Variants in LRP1 observed in about 807,000 individuals in gnomAD.
The protein encoded by LRP1 is LDL receptor related protein 1.
In LRP1, 51 loss-of-function variants were observed where a neutral mutation model predicts 541.5. That is an observed-to-expected ratio of 0.09 (90% confidence interval 0.08 to 0.12). LRP1 has a LOEUF of 0.12. Among genes scored for constraint, LRP1 ranks in the 10% least tolerant of loss-of-function variants. LRP1 has a pLI of 1.00. For missense variants in LRP1, 3,878 were observed against 6,376.2 expected, an observed-to-expected ratio of 0.61 and a Z score of 13.34; for synonymous variants, 2,219 against 2,470.8, an observed-to-expected ratio of 0.90 and a Z score of 3.02.
At chr12:57,192,711 G>A (rs2036440116) in intron 44 of LRP1, 134 bp from the exon 45 acceptor site, 2 of 1,270,908 alleles carry the variant, frequency 1.6e-6, no homozygotes, top group Non-Finnish European at 2.2e-6. Flanking sequence ...CCCACTGGCT[G>A]CAAGCCGCTG....
chr12:57,200,144 AC>A, intron 62 of LRP1, 119 bp downstream of exon 62: 5 of 843,746 alleles, frequency 5.9e-6, no homozygotes, highest in Non-Finnish European at 9.1e-6. Flanking sequence ...CCACACTAAC[AC>A]CCCCACATTT....
At position 57,205,890 on chromosome 12, in the gene LRP1, T is replaced by C; in HGVS notation, c.11590+213T>C. The C allele has an allele frequency of 1.5e-6, 1 of 649,514 alleles. No individual in the cohort carries two copies. The highest frequency in any genetic ancestry group is 2.6e-6 in the Non-Finnish European group (1 of 384,838). The allele number at this position is 649,514 out of a possible 1,614,324, so 40.2% of individuals were successfully genotyped here. ...ACTGAAGGAGTCTGGGGTGTGGCAG[T>C]GCTCTGAATTGCACACACACCTCCT... On this transcript the variant is annotated intron_variant, in intron 75 of 88. Transcript: ENST00000243077. This position sits in a 1 kb window ranked among gnomAD's most constrained non-coding sequence, Gnocchi z 4.6.
chr12:57,165,930 G>A lies in LRP1; in HGVS notation c.2656G>A (p.Ala886Thr). The change falls in exon 16 of 89, where the codon GCC becomes ACC. Residue 886 changes from alanine (A) to threonine (T), a missense_variant. Ala to Thr is a moderately conservative substitution (Grantham distance 58). Transcript: ENST00000243077. The surrounding 1 kb of genome is among the most constrained non-coding windows in gnomAD (Gnocchi z 4.5). ...DNDCLDNSDE[A>T]PALCHQHTCP... ...CGATTGCCTGGACAACAGTGATGAG[G>A]CCCCAGCCCTCTGCCGTGAGTCACA... is the stretch of plus-strand genomic sequence containing the variant. 6.2e-7 allele frequency: 1 copy of A among 1,614,110 alleles called. No individual in the cohort carries two copies. Among genetic ancestry groups the A allele is most frequent in the Non-Finnish European group, 8.5e-7 (1 of 1,180,022 alleles).
At position 57,189,344 on chromosome 12, in the gene LRP1, A is replaced by C. The variant is rs1242695491; in HGVS notation, c.7032-1461A>C. ...CCAATCCTGACAAGCCAGGAAGATG[A>C]CTGGCCACTGCCCCAGGATACCCAT... On this transcript the variant is annotated intron_variant, in intron 42 of 88. Transcript: ENST00000243077. The surrounding 1 kb of genome is among the most constrained non-coding windows in gnomAD (Gnocchi z 4.4). Among the ~76,000 whole-genome samples the C allele has an allele frequency of 2.0e-5, 3 of 152,100 alleles. No individual in the cohort carries two copies. The highest frequency in any genetic ancestry group is 4.8e-5 in the African/African-American group (2 of 41,400).
chr12:57,135,062 G>A (rs1479006443), intron 1 of LRP1, among the ~76,000 whole-genome samples: 1 of 152,188 alleles, frequency 6.6e-6, no homozygotes, highest in African/African-American at 2.4e-5. Context: ...CACCTGCTCA[G>A]TTACCAGTCA....
At chr12:57,194,319 G>A in intron 48 of LRP1, 35 bp from the exon 49 acceptor site, 1 of 1,505,502 alleles carries the variant, frequency 6.6e-7, no homozygotes, top group Middle Eastern at 1.8e-4. Context: ...GATCCAGGGG[G>A]AACCAGGTAT....
Position 57,199,390 on chromosome 12 carries a change from C to T in LRP1, c.9855C>T (p.Arg3285=). Residue 3285 remains arginine (R), a synonymous_variant, in exon 61 of 89, where the codon CGC becomes CGT. Transcript: ENST00000243077. ...ACCTGCATGTCTTCCATGCCCTGCG[C>T]CAGCCAGACGGTGAGCAGGCAAGGG... ...PMDLHVFHAL[R]QPDVPNHPCK... is the part of the protein sequence containing the mutation. 2 of 1,609,240 alleles carry T rather than the reference C, an allele frequency of 1.2e-6. No individual in the cohort carries two copies. Among genetic ancestry groups the T allele is most frequent in the Non-Finnish European group, 1.7e-6 (2 of 1,178,350 alleles).
chr12:57,188,815 C>T (rs1245269534), intron 42 of LRP1, among the ~76,000 whole-genome samples: 1 of 152,180 alleles, frequency 6.6e-6, no homozygotes, highest in Non-Finnish European at 1.5e-5. Context: ...ACCTGGAAGT[C>T]AGGGAACGTG....
chr12:57,138,431 T>A, intron 1 of LRP1, 28 bp from the exon 2 acceptor site: 1 of 1,611,572 alleles, frequency 6.2e-7, no homozygotes. Context: ...ATCCTTCATT[T>A]ATATCCCCTT....
At chr12:57,143,015 G>T (rs1348288033) in intron 3 of LRP1, among the ~76,000 whole-genome samples, 1 of 152,116 alleles carries the variant, frequency 6.6e-6, no homozygotes, top group Admixed American at 6.5e-5. Flanking sequence ...CATTAACTGG[G>T]TCGCTGGTCT....
intron 5 of LRP1, 31 bp from the exon 6 acceptor site, chr12:57,145,196 C>T (rs758574006): frequency 2.2e-5 from 35 of 1,613,648 alleles, no homozygotes. Context: ...AGAGCCCTGG[C>T]TGCACGGACT....
At chr12:57,209,032 C>A (rs7956957) in intron 78 of LRP1, 51 bp from the exon 79 acceptor site, 58 of 1,472,062 alleles carry the variant, frequency 3.9e-5, no homozygotes, top group Non-Finnish European at 4.7e-5. Flanking sequence ...CTTTCCACCC[C>A]GAGCCTGGGT....
chr12:57,161,107 G>T lies in LRP1; in HGVS notation c.2194G>T (p.Asp732Tyr). The T allele has an allele frequency of 6.2e-7, 1 of 1,612,830 alleles. No individual in the cohort carries two copies. The highest frequency in any genetic ancestry group is 1.1e-5 in the South Asian group (1 of 91,052). The change falls in exon 13 of 89, where the codon GAC (aspartate) becomes TAC (tyrosine). Residue 732 changes from aspartate to tyrosine, a missense_variant. By Grantham distance (160) the Asp-to-Tyr change is radical. Coordinates refer to ENST00000243077, the MANE Select transcript of LRP1 (RefSeq NM_002332.3). The stretch of plus-strand genomic sequence containing the variant: ...CGAGACGATACTGCTCAATGGCACA[G>T]ACCGGAAGGTGGGCAGGCATGTGCC... Reference protein sequence around the residue: ...RIETILLNGTDRKIVYEGPEL... With the variant: ...RIETILLNGTYRKIVYEGPEL...
Position 57,195,411 on chromosome 12 carries a change from G to A in LRP1, c.8437+12G>A. ...CGCAGCTGGTTGCTGTGAGTGGCGG[G>A]GCCACGTGGAGCGGGTGGACAGCAA... On this transcript the variant is annotated intron_variant, in intron 52 of 88. Coordinates refer to ENST00000243077, the MANE Select transcript of LRP1 (RefSeq NM_002332.3). 6.9e-6 allele frequency: 11 copies of A among 1,602,428 alleles called. No individual in the cohort carries two copies. The highest frequency in any genetic ancestry group is 9.3e-6 in the Non-Finnish European group (11 of 1,178,616).
chr12:57,205,714 G>A lies in LRP1; in HGVS notation c.11590+37G>A, dbSNP rs1320026235. 28 of 1,601,256 alleles carry A rather than the reference G, an allele frequency of 1.7e-5. No individual in the cohort carries two copies. The highest frequency in any genetic ancestry group is 2.3e-5 in the Non-Finnish European group (27 of 1,178,164). ...ACCAGAGGGCAGAAAGGCTGGGTGG[G>A]GCAGGGCGACCAGGATATCAAACGG... On this transcript the variant is annotated intron_variant, in intron 75 of 88. Transcript: ENST00000243077. The surrounding 1 kb of genome is among the most constrained non-coding windows in gnomAD (Gnocchi z 4.6).
chr12:57,178,612 C>T lies in LRP1; in HGVS notation c.4606+9C>T. 4 of 1,613,852 alleles carry T rather than the reference C, an allele frequency of 2.5e-6. No homozygotes were observed. Among genetic ancestry groups the T allele is most frequent in the Non-Finnish European group, 3.4e-6 (4 of 1,179,832 alleles). ...CTCCCGCCAGCCCATGGGTAAGGGG[C>T]TCGGGGCCTCGAGCAGCCGGAAGGG... On this transcript the variant is annotated intron_variant, in intron 27 of 88. Transcript: ENST00000243077. This position sits in a 1 kb window ranked among gnomAD's most constrained non-coding sequence, Gnocchi z 5.8.
chr12:57,132,795 C>T (rs1013455405), intron 1 of LRP1, among the ~76,000 whole-genome samples: 5 of 152,218 alleles, frequency 3.3e-5, no homozygotes, highest in Admixed American at 3.3e-4. Context: ...TACCCCCATC[C>T]AGGCCTCTTG....
At position 57,166,160 on chromosome 12, in the gene LRP1, G is replaced by A. The variant is rs2035834741; in HGVS notation, c.2748G>A (p.Gly916=). The change falls in exon 17 of 89, where the codon GGG becomes GGA. Residue 916 remains glycine, a synonymous_variant. Coordinates refer to ENST00000243077, the MANE Select transcript of LRP1 (RefSeq NM_002332.3). ...TCCCCAACCGCTGGCTCTGCGACGG[G>A]GACAATGACTGTGGGAACAGTGAAG... is the stretch of plus-strand genomic sequence containing the variant. ...RCIPNRWLCD[G]DNDCGNSEDE... The A allele has an allele frequency of 6.2e-7, 1 of 1,614,066 alleles. No homozygotes were observed. The highest frequency in any genetic ancestry group is 1.6e-4 in the Middle Eastern group (1 of 6,062).
At chr12:57,194,863 C>T in intron 50 of LRP1, 122 bp from the exon 51 acceptor site, 1 of 1,158,682 alleles carries the variant, frequency 8.6e-7, no homozygotes, top group Middle Eastern at 2.1e-4. Flanking sequence ...CCTCTAGCTG[C>T]TGCTGAGCCC....
Sources: allele counts gnomAD v4.1 joint callset (sites outside exome capture counted in the v4.1 genomes callset), GRCh38; gene constraint gnomAD v4.1.1; non-coding constraint Gnocchi (gnomAD v3.1); transcripts MANE v1.5; gene names NCBI Gene and HGNC (gene_info 2026-07-23, HGNC 2026-07-21).